PTPRN2: variants seen among roughly 807,000 people sequenced by gnomAD.
PTPRN2 encodes the protein receptor-type tyrosine-protein phosphatase N2.
In PTPRN2, 74 loss-of-function variants were observed where a neutral mutation model predicts 118.8. The observed-to-expected ratio is 0.62, with a 90% CI of 0.52 to 0.76. The LOEUF (loss-of-function observed/expected upper bound fraction) is 0.76. Ranked by LOEUF, PTPRN2 falls within the 30% of genes least tolerant of loss-of-function variation. PTPRN2 has a pLI of 0.00. For missense variants in PTPRN2, 1,481 were observed against 1,394.4 expected, an observed-to-expected ratio of 1.06 and a Z score of -0.99; for synonymous variants, 641 against 608.0, an observed-to-expected ratio of 1.05 and a Z score of -0.80.
chr7:158,040,005 C>A (rs1350050566), intron 11 of PTPRN2, among the ~76,000 whole-genome samples: 3 of 151,172 alleles, frequency 2.0e-5, no homozygotes, highest in African/African-American at 7.3e-5. Flanking sequence ...GCAGACATAG[C>A]TGAGGAATAA....
At chr7:158,302,875 G>A (rs761033182) in intron 3 of PTPRN2, among the ~76,000 whole-genome samples, 5 of 152,212 alleles carry the variant, frequency 3.3e-5, no homozygotes, top group Non-Finnish European at 5.9e-5. Flanking sequence ...ACTTGGAACA[G>A]TCCAGAGGCT....
At chr7:157,989,897 G>A (rs1804113063) in intron 11 of PTPRN2, among the ~76,000 whole-genome samples, 4 of 151,204 alleles carry the variant, frequency 2.6e-5, no homozygotes, top group Admixed American at 6.6e-5. Context: ...ATCCCACCCC[G>A]CCCTGCCCAG....
At chr7:157,548,742 G>C (rs1241977469) in intron 22 of PTPRN2, among the ~76,000 whole-genome samples, 1 of 152,184 alleles carries the variant, frequency 6.6e-6, no homozygotes, top group African/African-American at 2.4e-5. Flanking sequence ...TGCATCTGGA[G>C]GTGTTGCAGG....
intron 12 of PTPRN2, among the ~76,000 whole-genome samples, chr7:157,700,561 C>T (rs1798013978): frequency 1.3e-5 from 2 of 152,222 alleles, no homozygotes. Flanking sequence ...TCCCCATCCC[C>T]CTATGCTGAT....
chr7:157,953,312 C>T lies in PTPRN2; in HGVS notation c.1724-54575G>A, dbSNP rs960708323. Among the ~76,000 whole-genome samples, 7 of 152,082 alleles carry T rather than the reference C, an allele frequency of 4.6e-5. No individual in the cohort carries two copies. The highest frequency in any genetic ancestry group is 9.7e-5 in the African/African-American group (4 of 41,404). On this transcript the variant is annotated intron_variant, in intron 11 of 22. Transcript: ENST00000389418. The surrounding 1 kb of genome is among the most constrained non-coding windows in gnomAD (Gnocchi z 4.6). Reference sequence around the variant, plus strand: ...CTAGGGCCTGTGTCTCTGGAGTGCACGAGGCAGATGGATGGAGACGTGGGA... The same window carrying T: ...CTAGGGCCTGTGTCTCTGGAGTGCATGAGGCAGATGGATGGAGACGTGGGA...
chr7:158,095,667 ACT>A (rs1358889258), intron 10 of PTPRN2, among the ~76,000 whole-genome samples: 1 of 152,104 alleles, frequency 6.6e-6, no homozygotes, highest in Non-Finnish European at 1.5e-5. Context: ...GGCCAGAAAC[ACT>A]CTAGTCACTG....
At chr7:157,972,824 T>A (rs1802443503) in intron 11 of PTPRN2, among the ~76,000 whole-genome samples, 1 of 131,026 alleles carries the variant, frequency 7.6e-6, no homozygotes. Context: ...CCGCAGAAAC[T>A]CCACACCACG....
rs1276629692 is a variant in PTPRN2 at position 157,805,310 on chromosome 7, TGTGTGTGC to T, written c.1788+93355_1788+93362del. Among the ~76,000 whole-genome samples, 582 of 151,500 alleles carry T rather than the reference TGTGTGTGC, an allele frequency of 3.8e-3. 3 individuals carry two copies. The highest frequency in any genetic ancestry group is 0.013 in the African/African-American group (532 of 41,150). ...ACTCCTGTGTGTGTGTGTGTGTGTG[TGTGTGTGC>T]GTGTGCAAATACATCATCAACTGAA... On this transcript the variant is annotated intron_variant, in intron 12 of 22. Coordinates refer to ENST00000389418, the MANE Select transcript of PTPRN2 (RefSeq NM_002847.5).
At chr7:157,883,086 A>G (rs1429918236) in intron 12 of PTPRN2, among the ~76,000 whole-genome samples, 1 of 151,824 alleles carries the variant, frequency 6.6e-6, no homozygotes, top group East Asian at 1.9e-4. Context: ...GTTGGAGACC[A>G]GAACACACCA....
chr7:157,554,728 TC>T (rs1316582800), intron 21 of PTPRN2, among the ~76,000 whole-genome samples: 1 of 151,606 alleles, frequency 6.6e-6, no homozygotes. Flanking sequence ...ACAAAGAAAA[TC>T]CAGATGGAAG....
chr7:158,032,053 G>C (rs111809254), intron 11 of PTPRN2, among the ~76,000 whole-genome samples: 285 of 152,354 alleles, frequency 1.9e-3, no homozygotes, highest in Non-Finnish European at 3.3e-3. Flanking sequence ...TGAGAAAGAA[G>C]AGCAGCCATT....
intron 12 of PTPRN2, among the ~76,000 whole-genome samples, chr7:157,846,699 C>T (rs111516467): frequency 4.4e-3 from 663 of 149,894 alleles, no homozygotes; most frequent in African/African-American, 0.016. Context: ...AGCCCTCTCT[C>T]ACTCCATCAT....
At chr7:158,079,712 C>T (rs1016832307) in intron 11 of PTPRN2, among the ~76,000 whole-genome samples, 8 of 152,144 alleles carry the variant, frequency 5.3e-5, no homozygotes, top group African/African-American at 9.7e-5. Flanking sequence ...CTAGAGCAAG[C>T]GAAACAGATG....
intron 2 of PTPRN2, among the ~76,000 whole-genome samples, chr7:158,447,721 TA>T (rs1340225686): frequency 2.0e-5 from 3 of 152,198 alleles, no homozygotes; most frequent in Non-Finnish European, 4.4e-5. Context: ...GTCAAGCTGT[TA>T]GCCAAGCGGG....
chr7:158,508,486 C>A (rs1050890308), intron 1 of PTPRN2, among the ~76,000 whole-genome samples: 1 of 152,040 alleles, frequency 6.6e-6, no homozygotes, highest in African/African-American at 2.4e-5. Flanking sequence ...AGGGTGTGGC[C>A]GTGACTCAGC....
chr7:158,309,017 T>C (rs1375914624), intron 3 of PTPRN2, among the ~76,000 whole-genome samples: 2 of 152,232 alleles, frequency 1.3e-5, no homozygotes, highest in African/African-American at 4.8e-5. Flanking sequence ...CATGGTCAGA[T>C]GGCTTCCATT....
chr7:158,370,519 G>A (rs969845210), intron 2 of PTPRN2, among the ~76,000 whole-genome samples: 6 of 151,934 alleles, frequency 3.9e-5, no homozygotes, highest in South Asian at 4.2e-4. Flanking sequence ...TTGGGAGGCC[G>A]AGGCGGGTGG....
At chr7:157,541,015 T>C (rs1474412287) in intron 22 of PTPRN2, among the ~76,000 whole-genome samples, 1 of 152,238 alleles carries the variant, frequency 6.6e-6, no homozygotes, top group Non-Finnish European at 1.5e-5. Context: ...GTGACACATG[T>C]TTGAGCTTCT....
chr7:157,724,392 CTTTG>C (rs1330987299), intron 12 of PTPRN2, among the ~76,000 whole-genome samples: 3 of 152,260 alleles, frequency 2.0e-5, no homozygotes, highest in African/African-American at 4.8e-5. Flanking sequence ...TCACTGAAAG[CTTTG>C]TTTGTCTATT....
Sources: gnomAD v4.1 joint callset for allele counts (sites outside exome capture counted in the v4.1 genomes callset) on GRCh38, gnomAD v4.1.1 for gene constraint, Gnocchi (gnomAD v3.1) non-coding constraint, MANE v1.5 for transcripts, NCBI Gene and HGNC (gene_info 2026-07-23, HGNC 2026-07-21) for gene names.